Variants in NBEAL1 observed in about 807,000 individuals in gnomAD.
NBEAL1 encodes neurobeachin like 1.
Under a neutral mutation model 351.3 loss-of-function variants are expected in NBEAL1, and 273 were observed. That is an observed-to-expected ratio of 0.78 (90% CI 0.70 to 0.86). The LOEUF (loss-of-function observed/expected upper bound fraction) is 0.86, where lower values mean the gene tolerates loss of function less well. Ranked by LOEUF, NBEAL1 falls within the 40% of genes least tolerant of loss-of-function variation. The pLI is 0.00. For synonymous variants in NBEAL1, 1,050 were observed against 1,086.4 expected (o/e 0.97, Z 0.66); for missense variants, 2,961 against 3,201.3 (o/e 0.92, Z 1.81).
At position 203,167,383 on chromosome 2, in the gene NBEAL1, A is replaced by G. The variant is rs374640823; in HGVS notation, c.5997+23A>G. 8 of 1,568,618 alleles carry G rather than the reference A, an allele frequency of 5.1e-6. No homozygotes were observed. In the Admixed American group the frequency reaches 5.7e-5, roughly 11 times the overall value. On this transcript the variant is annotated intron_variant, in intron 38 of 55. Coordinates refer to ENST00000683969, the MANE Select transcript of NBEAL1 (RefSeq NM_001378026.1). ...GAGGTATGTATTATGGTTTCAGGAA[A>G]TCCCAAAATGCTAGCTTTAAATACG...
intron 42 of NBEAL1, among the ~76,000 whole-genome samples, chr2:203,177,077 G>T (rs367892737): frequency 6.6e-6 from 1 of 150,920 alleles, no homozygotes; most frequent in Non-Finnish European, 1.5e-5. Flanking sequence ...ATTGAACCCA[G>T]GAGGTCGAGG....
In NBEAL1 at chr2:203,113,267, A is replaced by T; in HGVS notation, c.2455A>T (p.Ile819Phe). 1.3e-6 allele frequency: 2 copies of T among 1,486,400 alleles called. No homozygotes were observed. Among genetic ancestry groups the T allele is most frequent in the Non-Finnish European group, 1.8e-6 (2 of 1,116,744 alleles). The allele number at this position is 1,486,400 out of a possible 1,614,324, so 92.1% of individuals were successfully genotyped here. A position where few individuals can be genotyped will look rare whatever the true frequency, so the allele number is the denominator to read the frequency against. Residue 819 changes from isoleucine (I) to phenylalanine (F), a missense_variant, in exon 17 of 56, where the codon ATC (isoleucine) becomes TTC (phenylalanine). Transcript: ENST00000683969. ...SLEGQLGSVI[I>F]FYEPLQPPQV... Reference sequence around the variant, plus strand: ...GGAGGGTCAGCTAGGATCTGTTATCATCTTTTATGAACCACTACAACCTCC... The same window carrying T: ...GGAGGGTCAGCTAGGATCTGTTATCTTCTTTTATGAACCACTACAACCTCC...
chr2:203,027,945 GT>G (rs1415858591), intron 2 of NBEAL1, among the ~76,000 whole-genome samples: 1 of 151,740 alleles, frequency 6.6e-6, no homozygotes, highest in Non-Finnish European at 1.5e-5. Context: ...GTGCAGTGGC[GT>G]GATCTTGGCT....
At chr2:203,204,598 A>G (rs929584130) in intron 51 of NBEAL1, among the ~76,000 whole-genome samples, 4 of 152,086 alleles carry the variant, frequency 2.6e-5, no homozygotes, top group African/African-American at 9.7e-5. Context: ...TTGGCCTCCC[A>G]ATAATTTGGC....
chr2:203,090,753 G>A (rs189935100), intron 10 of NBEAL1, among the ~76,000 whole-genome samples: 39 of 152,220 alleles, frequency 2.6e-4, no homozygotes, highest in African/African-American at 8.9e-4. Context: ...GCCAGGTGTC[G>A]TGGCGCATGC....
intron 38 of NBEAL1, 115 bp from the exon 39 acceptor site, chr2:203,169,632 C>G: frequency 3.6e-6 from 2 of 548,102 alleles, no homozygotes; most frequent in Non-Finnish European, 6.5e-6. Flanking sequence ...ACACACAACA[C>G]TAAGTTGTAT....
intron 10 of NBEAL1, among the ~76,000 whole-genome samples, chr2:203,095,719 C>G (rs1375525838): frequency 6.6e-6 from 1 of 152,070 alleles, no homozygotes; most frequent in East Asian, 1.9e-4. Context: ...AATATTATTC[C>G]TTTAAAAACC....
At chr2:203,125,936 A>G in intron 20 of NBEAL1, 24 bp from the exon 21 acceptor site, 1 of 1,481,402 alleles carries the variant, frequency 6.8e-7, no homozygotes, top group Non-Finnish European at 9.0e-7. Context: ...AATTATGATA[A>G]TTAATATGTT....
Position 203,116,045 on chromosome 2 carries a change from A to C in NBEAL1, c.2567A>C (p.Asn856Thr), listed in dbSNP as rs2086833. 6,453 of 1,553,608 alleles carry C rather than the reference A, an allele frequency of 4.2e-3. 16 individuals carry two copies. Among genetic ancestry groups the C allele is most frequent in the Non-Finnish European group, 5.2e-3 (5,949 of 1,147,318 alleles). ...TCTGACATGGCCGACCTGCCTGGTA[A>C]CATCCTTCTTTACTACACAGCAAAG... Reference protein sequence around the residue: ...QESDMADLPGNILLYYTAKAC... With the variant: ...QESDMADLPGTILLYYTAKAC... The change falls in exon 18 of 56, where the codon AAC becomes ACC. Residue 856 changes from asparagine to threonine, a missense_variant. Asn to Thr is a moderately conservative substitution (Grantham distance 65, BLOSUM62 0). Transcript: ENST00000683969.
intron 17 of NBEAL1, among the ~76,000 whole-genome samples, chr2:203,113,947 G>A (rs1413099197): frequency 4.0e-5 from 6 of 151,020 alleles, no homozygotes; most frequent in Non-Finnish European, 7.4e-5. Flanking sequence ...TCAGCCTCCC[G>A]AGTAACTGGG....
chr2:203,129,938 G>A (rs1021678873), intron 24 of NBEAL1, among the ~76,000 whole-genome samples: 1 of 152,192 alleles, frequency 6.6e-6, no homozygotes, highest in Non-Finnish European at 1.5e-5. Context: ...GAGCTGGGTG[G>A]ATCGCTTGAG....
intron 49 of NBEAL1, among the ~76,000 whole-genome samples, chr2:203,200,703 AAAATT>A (rs2065374392): frequency 6.6e-6 from 1 of 152,134 alleles, no homozygotes; most frequent in Admixed American, 6.5e-5. Context: ...CAAAAAAACT[AAAATT>A]AAAATAAAAT....
chr2:203,181,663 T>A (rs1310100558), intron 43 of NBEAL1: 3 of 152,210 alleles, frequency 2.0e-5, no homozygotes, highest in Non-Finnish European at 4.4e-5. Context: ...TGTTTGACCC[T>A]TCATTTATTC....
At chr2:203,175,068 C>G in intron 41 of NBEAL1, 79 bp from the exon 42 acceptor site, 1 of 1,221,784 alleles carries the variant, frequency 8.2e-7, no homozygotes, top group Non-Finnish European at 1.2e-6. Context: ...ACTGTATTTT[C>G]AGAAATAAAA....
At position 203,217,670 on chromosome 2, in the gene NBEAL1, A is replaced by C; in HGVS notation, c.*316A>C. On this transcript the variant is annotated 3_prime_UTR_variant, in exon 56 of 56. Coordinates refer to ENST00000683969, the MANE Select transcript of NBEAL1 (RefSeq NM_001378026.1). Reference sequence around the variant, plus strand: ...TAAAATTTAAGATTTTTCTAATAAAAGAGTACAGATAATGGGACAGTTGAG... The same window carrying C: ...TAAAATTTAAGATTTTTCTAATAAACGAGTACAGATAATGGGACAGTTGAG... The C allele has an allele frequency of 1.0e-6, 1 of 963,496 alleles. No homozygotes were observed. Among genetic ancestry groups the C allele is most frequent in the Non-Finnish European group, 1.2e-6 (1 of 805,092 alleles). 59.7% of individuals were successfully genotyped at this position (963,496 alleles called of 1,614,324 possible).
At chr2:203,190,474 T>C (rs959506556) in intron 46 of NBEAL1, 85 bp downstream of exon 46, 6 of 915,040 alleles carry the variant, frequency 6.6e-6, no homozygotes, top group African/African-American at 3.3e-5. Flanking sequence ...TCAAGATCCA[T>C]GTATATAGCC....
intron 36 of NBEAL1, among the ~76,000 whole-genome samples, chr2:203,163,109 A>T (rs1378026064): frequency 2.0e-5 from 3 of 152,226 alleles, no homozygotes; most frequent in African/African-American, 7.2e-5. Context: ...GTGAGCTGAG[A>T]TTGCACCACT....
chr2:203,167,944 T>C (rs1264943206), intron 38 of NBEAL1, among the ~76,000 whole-genome samples: 1 of 152,190 alleles, frequency 6.6e-6, no homozygotes, highest in Non-Finnish European at 1.5e-5. Flanking sequence ...GCGTCTCCCC[T>C]AGTAAAATAT....
intron 7 of NBEAL1, among the ~76,000 whole-genome samples, chr2:203,068,768 T>C (rs1039430556): frequency 2.0e-5 from 3 of 152,218 alleles, no homozygotes; most frequent in African/African-American, 7.2e-5. Flanking sequence ...ACACGCTTGT[T>C]GCCCAGGCTG....
Sources: gnomAD v4.1 joint callset for allele counts (sites outside exome capture counted in the v4.1 genomes callset) on GRCh38, gnomAD v4.1.1 for gene constraint, MANE v1.5 for transcripts, NCBI Gene and HGNC (gene_info 2026-07-23, HGNC 2026-07-21) for gene names.